Variants in MYT1L observed in about 807,000 individuals in gnomAD.
The protein encoded by MYT1L is myelin transcription factor 1-like protein.
A neutral mutation model predicts 126.7 loss-of-function variants in MYT1L; 12 were observed. The observed-to-expected ratio is 0.09, with a 90% CI of 0.06 to 0.15. The LOEUF (loss-of-function observed/expected upper bound fraction) is 0.15. Among genes scored for constraint, MYT1L ranks in the 10% least tolerant of loss-of-function variants. The probability of loss-of-function intolerance (pLI) is 1.00; values close to 1 mark genes in which losing one functional copy is unlikely to be tolerated. For synonymous variants in MYT1L, 541 were observed against 604.2 expected (o/e 0.90, Z 1.53); for missense variants, 979 against 1,585.2 (o/e 0.62, Z 6.49).
At chr2:1,842,006 A>G (rs747118058) in intron 19 of MYT1L, 1 of 152,238 alleles carries the variant, frequency 6.6e-6, no homozygotes, top group Admixed American at 6.5e-5. Flanking sequence ...AAAATAATAC[A>G]TAAAACAAAT....
At chr2:2,201,125 C>T (rs2093054178) in intron 2 of MYT1L, among the ~76,000 whole-genome samples, 1 of 152,156 alleles carries the variant, frequency 6.6e-6, no homozygotes, top group Admixed American at 6.5e-5. Flanking sequence ...AATCCTAACT[C>T]TGAAAAGACC....
At chr2:2,284,366 C>T (rs1248538622) in intron 2 of MYT1L, 38 bp downstream of exon 2, 1 of 152,132 alleles carries the variant, frequency 6.6e-6, no homozygotes, top group Admixed American at 6.5e-5. Flanking sequence ...CCTTTACATT[C>T]CTAATACAAC....
chr2:1,818,088 A>AT (rs1471170843), intron 21 of MYT1L, among the ~76,000 whole-genome samples: 4 of 152,170 alleles, frequency 2.6e-5, no homozygotes, highest in African/African-American at 2.4e-5. Flanking sequence ...AGGCCCTGAC[A>AT]TTTTTTATCA....
intron 22 of MYT1L, among the ~76,000 whole-genome samples, chr2:1,804,855 G>A (rs998812677): frequency 6.6e-6 from 1 of 152,202 alleles, no homozygotes; most frequent in Non-Finnish European, 1.5e-5. Flanking sequence ...AGGGCTTGAT[G>A]GAGGTTAGAG....
At chr2:2,054,882 A>C (rs958773769) in intron 3 of MYT1L, among the ~76,000 whole-genome samples, 13 of 151,962 alleles carry the variant, frequency 8.6e-5, no homozygotes, top group African/African-American at 2.9e-4. Flanking sequence ...CATGAAGATG[A>C]GACACATGGA....
At chr2:1,890,201 C>G (rs1449400397) in intron 15 of MYT1L, among the ~76,000 whole-genome samples, 3 of 151,940 alleles carry the variant, frequency 2.0e-5, no homozygotes, top group African/African-American at 7.3e-5. Flanking sequence ...TCCCAAGTAG[C>G]TGGGACTGCA....
chr2:1,936,413 C>A (rs1281253072), intron 9 of MYT1L, among the ~76,000 whole-genome samples: 1 of 152,190 alleles, frequency 6.6e-6, no homozygotes, highest in Non-Finnish European at 1.5e-5. Flanking sequence ...TATGATTACT[C>A]ATTCCCAAGA....
intron 9 of MYT1L, among the ~76,000 whole-genome samples, chr2:1,927,113 C>T (rs1460169120): frequency 3.3e-5 from 5 of 152,162 alleles, no homozygotes; most frequent in African/African-American, 7.2e-5. Context: ...TGGGGCTGAC[C>T]GCTGGGTGGA....
intron 2 of MYT1L, among the ~76,000 whole-genome samples, chr2:2,261,362 A>G (rs1195795769): frequency 6.6e-6 from 1 of 152,220 alleles, no homozygotes; most frequent in African/African-American, 2.4e-5. Context: ...ATCGGAAATG[A>G]AGAAAGAATA....
At chr2:1,911,899 G>A in intron 12 of MYT1L, 121 bp downstream of exon 12, 2 of 651,622 alleles carry the variant, frequency 3.1e-6, no homozygotes, top group Non-Finnish European at 2.4e-6. Flanking sequence ...ATATGGAGGT[G>A]CCCGCACTTG....
chr2:2,062,456 A>T (rs911475603), intron 3 of MYT1L, among the ~76,000 whole-genome samples: 1 of 152,274 alleles, frequency 6.6e-6, no homozygotes, highest in East Asian at 1.9e-4. Context: ...CTTGGGCTGT[A>T]ATGATGCCCC....
chr2:1,976,032 T>C (rs2060152579), intron 8 of MYT1L, among the ~76,000 whole-genome samples: 1 of 151,380 alleles, frequency 6.6e-6, no homozygotes, highest in Admixed American at 6.6e-5. Context: ...ACTTTTTACT[T>C]GGCTATTGCT....
chr2:2,328,787 A>C (rs887524655), intron 1 of MYT1L, among the ~76,000 whole-genome samples: 2 of 152,216 alleles, frequency 1.3e-5, no homozygotes, highest in African/African-American at 4.8e-5. Flanking sequence ...GTAATTTTTA[A>C]CATATTGATA....
Position 1,979,715 on chromosome 2 carries a change from G to A in MYT1L, c.55+8C>T, listed in dbSNP as rs748700459. The A allele has an allele frequency of 8.7e-6, 14 of 1,613,866 alleles. No individual in the cohort carries two copies. Among genetic ancestry groups the A allele is most frequent in the South Asian group, 1.1e-5 (1 of 91,074 alleles). On this transcript the variant is annotated splice_region_variant and intron_variant, in intron 6 of 24. Coordinates refer to ENST00000647738, the MANE Select transcript of MYT1L (RefSeq NM_001303052.2). This position sits in a 1 kb window ranked among gnomAD's most constrained non-coding sequence, Gnocchi z 4.0. The stretch of plus-strand genomic sequence containing the variant: ...CCGGCCTCAGGATGCAGGGAAGCGC[G>A]GACATACCTCGAACCCCTTTGGACC...
At chr2:1,985,783 C>A (rs911464066) in intron 5 of MYT1L, among the ~76,000 whole-genome samples, 5 of 152,152 alleles carry the variant, frequency 3.3e-5, no homozygotes, top group Non-Finnish European at 7.3e-5. Flanking sequence ...TAATAGGCCC[C>A]CTAGAGGGGA....
chr2:2,121,464 C>T (rs1575316039), intron 3 of MYT1L, among the ~76,000 whole-genome samples: 1 of 151,490 alleles, frequency 6.6e-6, no homozygotes. Flanking sequence ...CATGAGCCAC[C>T]GCCCTCAACC....
At chr2:2,251,623 T>C (rs1449974973) in intron 2 of MYT1L, among the ~76,000 whole-genome samples, 2 of 152,170 alleles carry the variant, frequency 1.3e-5, no homozygotes, top group Non-Finnish European at 2.9e-5. Flanking sequence ...TGTGCTGTGT[T>C]TATTAACACC....
At chr2:2,138,541 G>GT (rs2083409868) in intron 3 of MYT1L, among the ~76,000 whole-genome samples, 1 of 145,488 alleles carries the variant, frequency 6.9e-6, no homozygotes, top group African/African-American at 2.6e-5. Context: ...CATGTCCTTT[G>GT]TAGGGACATG....
chr2:2,195,615 T>C (rs894626550), intron 2 of MYT1L, among the ~76,000 whole-genome samples: 1 of 152,194 alleles, frequency 6.6e-6, no homozygotes, highest in East Asian at 1.9e-4. Flanking sequence ...TAGAAACAAA[T>C]ACATTGAGAC....
Sources: gnomAD v4.1 joint callset for allele counts (sites outside exome capture counted in the v4.1 genomes callset) on GRCh38, gnomAD v4.1.1 for gene constraint, Gnocchi (gnomAD v3.1) non-coding constraint, MANE v1.5 for transcripts, NCBI Gene and HGNC (gene_info 2026-07-23, HGNC 2026-07-21) for gene names.